The following XXYLT1 variants were observed in gnomAD, a reference collection of about 807,000 sequenced individuals.
XXYLT1 encodes the protein xyloside xylosyltransferase 1.
XXYLT1 carries 20 observed loss-of-function variants against 28.9 expected under a neutral mutation model. That is an observed-to-expected ratio of 0.69 (90% CI 0.49 to 1.00). XXYLT1 has a LOEUF of 1.00. XXYLT1 is among the 50% of genes least tolerant of loss of function. The pLI is 0.00. For missense variants in XXYLT1, 542 were observed against 560.1 expected (o/e 0.97, Z 0.33); for synonymous variants, 257 against 253.8 (o/e 1.01, Z -0.12).
chr3:195,252,895 G>A (rs997510440), intron 1 of XXYLT1, among the ~76,000 whole-genome samples: 65 of 152,314 alleles, frequency 4.3e-4, no homozygotes, highest in African/African-American at 1.3e-3. Context: ...GCGGGGAGGC[G>A]TTTATGGCAT....
chr3:195,138,922 A>G (rs988674097), intron 3 of XXYLT1, among the ~76,000 whole-genome samples: 1 of 151,806 alleles, frequency 6.6e-6, no homozygotes, highest in African/African-American at 2.4e-5. Flanking sequence ...AGAGCATCCT[A>G]GTCAGAGAGA....
chr3:195,243,298 A>G lies in XXYLT1; in HGVS notation c.505-16442T>C, dbSNP rs529626615. 4.6e-5 allele frequency among the ~76,000 whole-genome samples: 7 copies of G among 152,098 alleles called. No homozygotes were observed. The South Asian group carries it at 1.0e-3, about 23-fold the overall frequency. ...TGGGTGCAGCACACCATCATGGCACATGTATACATATGTAACAAACCTGCA... is the reference window on the plus strand; with the variant it reads ...TGGGTGCAGCACACCATCATGGCACGTGTATACATATGTAACAAACCTGCA... On this transcript the variant is annotated intron_variant, in intron 1 of 3. Transcript: ENST00000310380.
Position 195,256,106 on chromosome 3 carries a change from G to C in XXYLT1, c.504+14449C>G, listed in dbSNP as rs1221641447. On this transcript the variant is annotated intron_variant, in intron 1 of 3. Transcript: ENST00000310380. The surrounding 1 kb of genome is among the most constrained non-coding windows in gnomAD (Gnocchi z 4.2). The stretch of plus-strand genomic sequence containing the variant: ...GCCCCAGCTCTCACAGAGCATTCCT[G>C]GCTTTGGAGGGACAAGAACAAACCG... Among the ~76,000 whole-genome samples, 1 of 152,192 alleles carries C rather than the reference G, an allele frequency of 6.6e-6. No individual in the cohort carries two copies. The highest frequency in any genetic ancestry group is 1.5e-5 in the Non-Finnish European group (1 of 68,026).
chr3:195,103,481 G>T (rs1478103011), intron 3 of XXYLT1, among the ~76,000 whole-genome samples: 1 of 152,054 alleles, frequency 6.6e-6, no homozygotes, highest in African/African-American at 2.4e-5. Flanking sequence ...ATTTGTTAGA[G>T]GCTGCATGGG....
intron 1 of XXYLT1, among the ~76,000 whole-genome samples, chr3:195,267,533 C>T (rs1180009717): frequency 2.0e-5 from 3 of 152,116 alleles, no homozygotes; most frequent in Non-Finnish European, 4.4e-5. Flanking sequence ...TTCCTTCTTC[C>T]GAGTCAATAC....
chr3:195,151,136 T>G (rs573797131), intron 3 of XXYLT1, among the ~76,000 whole-genome samples: 3 of 152,158 alleles, frequency 2.0e-5, no homozygotes, highest in African/African-American at 7.2e-5. Context: ...TCCTGTTCAC[T>G]CCAGGATCTT....
intron 3 of XXYLT1, among the ~76,000 whole-genome samples, chr3:195,086,388 C>A (rs1220598279): frequency 6.6e-6 from 1 of 152,194 alleles, no homozygotes; most frequent in Non-Finnish European, 1.5e-5. Flanking sequence ...TCGGCCGCTC[C>A]CCTACCCCTG....
rs1157654767 is a variant in XXYLT1 at position 195,168,177 on chromosome 3, G to A, written c.653-11596C>T. ...CATGGGCAAGCCATCCCCAGCTGTC[G>A]CAGACTGTAAGGATGAGGGGTTTGA... On this transcript the variant is annotated intron_variant, in intron 2 of 3. Coordinates refer to ENST00000310380, the MANE Select transcript of XXYLT1 (RefSeq NM_152531.5). The surrounding 1 kb of genome is among the most constrained non-coding windows in gnomAD (Gnocchi z 4.3). Among the ~76,000 whole-genome samples, 3 of 152,164 alleles carry A rather than the reference G, an allele frequency of 2.0e-5. No homozygotes were observed. Among genetic ancestry groups the A allele is most frequent in the Non-Finnish European group, 4.4e-5 (3 of 68,038 alleles).
intron 3 of XXYLT1, among the ~76,000 whole-genome samples, chr3:195,140,202 C>T (rs1348639240): frequency 6.6e-6 from 1 of 152,236 alleles, no homozygotes; most frequent in Non-Finnish European, 1.5e-5. Context: ...CTCATCTCAA[C>T]TTCGATTCCT....
At chr3:195,252,727 C>CACAGAG (rs1191544595) in intron 1 of XXYLT1, among the ~76,000 whole-genome samples, 7 of 119,080 alleles carry the variant, frequency 5.9e-5, no homozygotes, top group Middle Eastern at 4.3e-3. Flanking sequence ...CACACACACA[C>CACAGAG]AGAGAGAGAG....
chr3:195,104,183 C>T (rs1422826160), intron 3 of XXYLT1, among the ~76,000 whole-genome samples: 9 of 145,360 alleles, frequency 6.2e-5, no homozygotes, highest in Admixed American at 2.7e-4. Context: ...ACGGTGATGA[C>T]GGTGATGAGG....
chr3:195,225,051 C>A (rs186539042), intron 2 of XXYLT1, among the ~76,000 whole-genome samples: 2 of 152,330 alleles, frequency 1.3e-5, no homozygotes, highest in African/African-American at 4.8e-5. Context: ...TTTGGAGAAG[C>A]AGCTTCCAAC....
chr3:195,155,308 G>A (rs1182656901), intron 3 of XXYLT1, among the ~76,000 whole-genome samples: 2 of 152,176 alleles, frequency 1.3e-5, no homozygotes, highest in African/African-American at 4.8e-5. Context: ...CCTCCCTCCA[G>A]GAAGGTCGGC....
chr3:195,193,881 C>T (rs1187106827), intron 2 of XXYLT1, among the ~76,000 whole-genome samples: 1 of 152,070 alleles, frequency 6.6e-6, no homozygotes, highest in Admixed American at 6.6e-5. Flanking sequence ...CTTTATCTCA[C>T]ATCATACATA....
At chr3:195,157,242 CAAAAA>C (rs34312884) in intron 2 of XXYLT1, among the ~76,000 whole-genome samples, 4,759 of 73,724 alleles carry the variant, frequency 0.065, 112 homozygotes, top group Middle Eastern at 0.19. Context: ...GGCGCCATCT[CAAAAA>C]AAAAAAAAAA....
intron 2 of XXYLT1, chr3:195,175,503 A>AGG: frequency 2.8e-6 from 4 of 1,440,238 alleles, no homozygotes; most frequent in Non-Finnish European, 3.7e-6. Flanking sequence ...TCTGTGTTGC[A>AGG]TGTTGACTTT....
intron 3 of XXYLT1, chr3:195,085,896 A>C (rs1577007765): frequency 6.7e-6 from 1 of 150,340 alleles, no homozygotes; most frequent in East Asian, 2.0e-4. Flanking sequence ...AGCTGCCCCC[A>C]CTCACCTCTG....
rs9854305 is a variant in XXYLT1, at chr3:195,238,021, T to C, written c.505-11165A>G. ...TATACCTCCAGAATTGTTTTCCAAA[T>C]AGAGAAATTCGTTTTTCTCTCTCCC... On this transcript the variant is annotated intron_variant, in intron 1 of 3. Coordinates refer to ENST00000310380, the MANE Select transcript of XXYLT1 (RefSeq NM_152531.5). Among the ~76,000 whole-genome samples, 1,423 of 152,280 alleles carry C rather than the reference T, an allele frequency of 9.3e-3. 12 individuals are homozygous for C. Among genetic ancestry groups the C allele is most frequent in the Non-Finnish European group, 0.013 (872 of 68,030 alleles).
intron 1 of XXYLT1, chr3:195,270,177 T>C (rs1479730833): frequency 2.0e-6 from 1 of 492,100 alleles, no homozygotes; most frequent in Non-Finnish European, 3.9e-6. Context: ...TGACTACTGG[T>C]GACCAGTCCC....
Sources: allele counts gnomAD v4.1 joint callset (sites outside exome capture counted in the v4.1 genomes callset), GRCh38; gene constraint gnomAD v4.1.1; non-coding constraint Gnocchi (gnomAD v3.1); transcripts MANE v1.5; gene names NCBI Gene and HGNC (gene_info 2026-07-23, HGNC 2026-07-21).